COLEC12: variants seen among roughly 807,000 people sequenced by gnomAD.
COLEC12 encodes the protein collectin subfamily member 12, also known as collectin-12.
COLEC12 carries 33 observed loss-of-function variants against 71.1 expected under a neutral mutation model. That is an observed-to-expected ratio of 0.46 (90% CI 0.35 to 0.62). COLEC12 has a LOEUF of 0.62. COLEC12 is among the 20% of genes least tolerant of loss of function. The probability of loss-of-function intolerance (pLI) is 0.00; values close to 1 mark genes in which losing one functional copy is unlikely to be tolerated. For synonymous variants in COLEC12, 350 were observed against 353.0 expected (o/e 0.99, Z 0.10); for missense variants, 765 against 916.1 (o/e 0.84, Z 2.13).
intron 5 of COLEC12, among the ~76,000 whole-genome samples, chr18:339,520 G>A (rs558285262): frequency 6.6e-6 from 1 of 152,198 alleles, no homozygotes; most frequent in Non-Finnish European, 1.5e-5. Flanking sequence ...AGTTCTACTT[G>A]TGATTGACTT....
In COLEC12 at chr18:321,642, A is replaced by C. The variant is rs771596816; in HGVS notation, c.2209+20T>G. Reference sequence around the variant, plus strand: ...GGACATAAGCTGGCAGCTCCCTCTTAAATCCCATCTACTGCTCACCTGTCT... The same window carrying C: ...GGACATAAGCTGGCAGCTCCCTCTTCAATCCCATCTACTGCTCACCTGTCT... On this transcript the variant is annotated intron_variant, in intron 9 of 9. Coordinates refer to ENST00000400256, the MANE Select transcript of COLEC12 (RefSeq NM_130386.3). 1.2e-6 allele frequency: 2 copies of C among 1,614,030 alleles called. No homozygotes were observed.
intron 2 of COLEC12, among the ~76,000 whole-genome samples, chr18:409,336 T>A (rs1915848742): frequency 6.6e-6 from 1 of 151,784 alleles, no homozygotes; most frequent in Non-Finnish European, 1.5e-5. Context: ...AGGTCAGGAG[T>A]TCGAGACCAA....
chr18:399,706 C>A lies in COLEC12; in HGVS notation c.59-42184G>T, dbSNP rs114532165. Among the ~76,000 whole-genome samples the A allele has an allele frequency of 0.023, 3,532 of 152,180 alleles. 51 individuals are homozygous for A. Among genetic ancestry groups the A allele is most frequent in the African/African-American group, 0.042 (1,724 of 41,516 alleles). On this transcript the variant is annotated intron_variant, in intron 2 of 9. Coordinates refer to ENST00000400256, the MANE Select transcript of COLEC12 (RefSeq NM_130386.3). The surrounding 1 kb of genome is among the most constrained non-coding windows in gnomAD (Gnocchi z 4.0). The stretch of plus-strand genomic sequence containing the variant: ...GTGCTGTTACCTGTTGTTAGTTCAA[C>A]GGGGATGCGGAATTTGGGGTGGATG...
At chr18:493,542 T>C (rs948121674) in intron 1 of COLEC12, among the ~76,000 whole-genome samples, 1 of 152,246 alleles carries the variant, frequency 6.6e-6, no homozygotes, top group Non-Finnish European at 1.5e-5. Context: ...AAACAGGGCA[T>C]GTTCTACTCT....
rs1915640908 is a variant in COLEC12 at position 399,657 on chromosome 18, C to T, written c.59-42135G>A. Reference sequence around the variant, plus strand: ...GTTTTAATCTGAGTTAAAATGCAGCCGCTTTGGGGAAGAACCCTACTTTGT... The same window carrying T: ...GTTTTAATCTGAGTTAAAATGCAGCTGCTTTGGGGAAGAACCCTACTTTGT... On this transcript the variant is annotated intron_variant, in intron 2 of 9. Transcript: ENST00000400256. The surrounding 1 kb of genome is among the most constrained non-coding windows in gnomAD (Gnocchi z 4.0). 6.6e-6 allele frequency among the ~76,000 whole-genome samples: 1 copy of T among 152,130 alleles called. No homozygotes were observed. The highest frequency in any genetic ancestry group is 2.1e-4 in the South Asian group (1 of 4,832).
At chr18:474,275 C>T (rs1917260349) in intron 2 of COLEC12, among the ~76,000 whole-genome samples, 1 of 152,222 alleles carries the variant, frequency 6.6e-6, no homozygotes, top group South Asian at 2.1e-4. Context: ...TAATTCCCAC[C>T]TCAAAGGGTT....
intron 2 of COLEC12, among the ~76,000 whole-genome samples, chr18:454,883 T>C (rs934408769): frequency 6.6e-6 from 1 of 152,260 alleles, no homozygotes; most frequent in Non-Finnish European, 1.5e-5. Flanking sequence ...ATATGACAGA[T>C]ACTCAATAAA....
intron 2 of COLEC12, among the ~76,000 whole-genome samples, chr18:454,119 C>T (rs189777478): frequency 1.3e-4 from 20 of 152,112 alleles, no homozygotes; most frequent in African/African-American, 4.6e-4. Flanking sequence ...GACTCCAAAG[C>T]CCTCCCCATG....
chr18:348,238 A>G, intron 3 of COLEC12, 75 bp from the exon 4 acceptor site: 1 of 903,710 alleles, frequency 1.1e-6, no homozygotes, highest in Non-Finnish European at 1.8e-6. Flanking sequence ...ACAAGAGATC[A>G]TTTCATTATG....
chr18:398,794 T>C (rs1283501873), intron 2 of COLEC12, among the ~76,000 whole-genome samples: 1 of 152,260 alleles, frequency 6.6e-6, no homozygotes, highest in Non-Finnish European at 1.5e-5. Flanking sequence ...AGACATGTAC[T>C]GAGGAACTCC....
chr18:479,301 G>A (rs2219886), intron 2 of COLEC12, among the ~76,000 whole-genome samples: 60,221 of 151,936 alleles, frequency 0.4, 12,035 homozygotes, highest in Middle Eastern at 0.48. Context: ...GGGGCTGCAC[G>A]CGGGCCGCTC....
intron 2 of COLEC12, among the ~76,000 whole-genome samples, chr18:402,449 T>C (rs1463382120): frequency 6.6e-6 from 1 of 152,118 alleles, no homozygotes; most frequent in Non-Finnish European, 1.5e-5. Flanking sequence ...CACCACGCCC[T>C]AGCAGAAGGT....
At chr18:343,717 G>A (rs533874) in intron 5 of COLEC12, among the ~76,000 whole-genome samples, 99,985 of 151,990 alleles carry the variant, frequency 0.66, 33,706 homozygotes, top group East Asian at 0.97. Flanking sequence ...GGCACCAGAC[G>A]GCCTGGGCTC....
intron 2 of COLEC12, among the ~76,000 whole-genome samples, chr18:415,742 G>A (rs1229764082): frequency 6.6e-6 from 1 of 152,108 alleles, no homozygotes; most frequent in Non-Finnish European, 1.5e-5. Flanking sequence ...AGGCACTGGG[G>A]CAAGCAGGTA....
chr18:370,919 C>T (rs1914984371), intron 2 of COLEC12, among the ~76,000 whole-genome samples: 1 of 152,144 alleles, frequency 6.6e-6, no homozygotes, highest in Non-Finnish European at 1.5e-5. Flanking sequence ...CATCACCTTC[C>T]CATTATGCAC....
chr18:370,256 A>G (rs914131476), intron 2 of COLEC12, among the ~76,000 whole-genome samples: 1 of 152,238 alleles, frequency 6.6e-6, no homozygotes, highest in African/African-American at 2.4e-5. Flanking sequence ...GAGATCAGAG[A>G]TGCAGAAAAT....
rs1412319407 is a variant in COLEC12, at chr18:327,277, T to A, written c.2063+4391A>T. The stretch of plus-strand genomic sequence containing the variant: ...TTTTTTAATGCTGAGATTTGCTGAT[T>A]GGTACTTTCTAAAAGCCTTGTCCTT... On this transcript the variant is annotated intron_variant, in intron 8 of 9. Coordinates refer to ENST00000400256, the MANE Select transcript of COLEC12 (RefSeq NM_130386.3). This position sits in a 1 kb window ranked among gnomAD's most constrained non-coding sequence, Gnocchi z 4.0. 6.6e-6 allele frequency among the ~76,000 whole-genome samples: 1 copy of A among 152,224 alleles called. No individual in the cohort carries two copies. Among genetic ancestry groups the A allele is most frequent in the Non-Finnish European group, 1.5e-5 (1 of 68,044 alleles).
intron 2 of COLEC12, among the ~76,000 whole-genome samples, chr18:375,406 C>A (rs559547528): frequency 3.3e-5 from 5 of 152,316 alleles, no homozygotes; most frequent in African/African-American, 1.2e-4. Flanking sequence ...AAAACATCAT[C>A]TTCTCAGAGA....
intron 2 of COLEC12, among the ~76,000 whole-genome samples, chr18:468,498 T>A (rs2055400487): frequency 6.6e-6 from 1 of 152,202 alleles, no homozygotes; most frequent in African/African-American, 2.4e-5. Flanking sequence ...CTGATCTCCA[T>A]GCTTCCAATT....
Sources: gnomAD v4.1 joint callset for allele counts (sites outside exome capture counted in the v4.1 genomes callset) on GRCh38, gnomAD v4.1.1 for gene constraint, Gnocchi (gnomAD v3.1) non-coding constraint, MANE v1.5 for transcripts, NCBI Gene and HGNC (gene_info 2026-07-23, HGNC 2026-07-21) for gene names.